The following KDELR3 variants were observed in gnomAD, a reference collection of about 807,000 sequenced individuals.
KDELR3 encodes the protein ER lumen protein-retaining receptor 3.
Under a neutral mutation model 22.7 loss-of-function variants are expected in KDELR3, and 26 were observed. That is an observed-to-expected ratio of 1.15 (90% CI 0.84 to 1.59). The LOEUF is 1.59. Ranked by LOEUF, KDELR3 falls within the 40% of genes most tolerant of loss-of-function variation. The pLI is 0.00. For missense variants in KDELR3, 289 were observed against 251.1 expected (o/e 1.15, Z -1.02); for synonymous variants, 120 against 98.2 (o/e 1.22, Z -1.31).
intron 1 of KDELR3, among the ~76,000 whole-genome samples, chr22:38,472,071 C>A (rs1008785558): frequency 6.6e-6 from 1 of 152,194 alleles, no homozygotes; most frequent in African/African-American, 2.4e-5. Flanking sequence ...CTGAATTAGA[C>A]AGCACAGTAG....
intron 2 of KDELR3, among the ~76,000 whole-genome samples, chr22:38,475,342 G>C (rs1181176837): frequency 6.6e-6 from 1 of 152,084 alleles, no homozygotes; most frequent in African/African-American, 2.4e-5. Context: ...GCTGGGCGTA[G>C]TGGTGCTCAT....
chr22:38,481,305 A>C lies in KDELR3; in HGVS notation c.445A>C (p.Thr149Pro). Residue 149 changes from threonine (T) to proline (P), a missense_variant, in exon 4 of 5, where the codon ACT becomes CCT. Coordinates refer to ENST00000216014, the MANE Select transcript of KDELR3 (RefSeq NM_006855.4). ...SKTGEAETIT[T>P]HYLFFLGLYR... Reference sequence around the variant, plus strand: ...GACTGGAGAGGCTGAGACCATAACTACTCACTACCTGTTCTTTCTGGGTCT... The same window carrying C: ...GACTGGAGAGGCTGAGACCATAACTCCTCACTACCTGTTCTTTCTGGGTCT... 1 of 1,614,080 alleles carries C rather than the reference A, an allele frequency of 6.2e-7. No homozygotes were observed. Among genetic ancestry groups the C allele is most frequent in the Non-Finnish European group, 8.5e-7 (1 of 1,180,020 alleles).
rs752202908 is a variant in KDELR3, at chr22:38,479,758, G to T, written c.351+7G>T. 1 of 1,613,854 alleles carries T rather than the reference G, an allele frequency of 6.2e-7. No individual in the cohort carries two copies. Among genetic ancestry groups the T allele is most frequent in the African/African-American group, 1.3e-5 (1 of 74,914 alleles). ...CAGTTTCACTCTGCTGGAGGTAAGG[G>T]AATGGACTGAGTACCAGTTCTCAAA... On this transcript the variant is annotated splice_region_variant and intron_variant, in intron 3 of 4. Transcript: ENST00000216014.
rs55884876 is a variant in KDELR3, at chr22:38,478,629, A to AT, written c.193-934dup. On this transcript the variant is annotated intron_variant, in intron 2 of 4. Coordinates refer to ENST00000216014, the MANE Select transcript of KDELR3 (RefSeq NM_006855.4). ...GGCAAGGGAAGAGACAGCATCTGTGATTTTTTTTTTTTTTTTTTTTTTTTT... is the reference window on the plus strand; with the variant it reads ...GGCAAGGGAAGAGACAGCATCTGTGATTTTTTTTTTTTTTTTTTTTTTTTTT... 5.1e-3 allele frequency among the ~76,000 whole-genome samples: 222 copies of AT among 43,494 alleles called. 60 individuals are homozygous for AT. The highest frequency in any genetic ancestry group is 5.7e-3 in the East Asian group (7 of 1,220). 28.5% of individuals were successfully genotyped at this position (43,494 alleles called of 152,430 possible).
Position 38,479,590 on chromosome 22 carries a change from T to G in KDELR3, c.193-3T>G. On this transcript the variant is annotated splice_polypyrimidine_tract_variant and splice_region_variant and intron_variant, in intron 2 of 4. Coordinates refer to ENST00000216014, the MANE Select transcript of KDELR3 (RefSeq NM_006855.4). ...CGATTCCCATGTCTCTCTCCCCTTT[T>G]AGGTGGTTTTTCTCCTCTGTGCCTA... 1 of 1,611,562 alleles carries G rather than the reference T, an allele frequency of 6.2e-7. No individual in the cohort carries two copies. The highest frequency in any genetic ancestry group is 1.1e-5 in the South Asian group (1 of 91,050).
In KDELR3 at chr22:38,474,541, A is replaced by G; in HGVS notation, c.110A>G (p.Gln37Arg). 1 of 1,614,006 alleles carries G rather than the reference A, an allele frequency of 6.2e-7. No homozygotes were observed. Among genetic ancestry groups the G allele is most frequent in the Non-Finnish European group, 8.5e-7 (1 of 1,179,966 alleles). ...GCCACAGGCATCTCTGGGAAGAGCC[A>G]GATCCTGTTTGCTCTCGTCTTCACC... The part of the protein sequence containing the change: ...KCCKGISGKS[Q>R]ILFALVFTTR... Residue 37 changes from glutamine (Q) to arginine (R), a missense_variant, in exon 2 of 5, where the codon CAG becomes CGG. Gln to Arg is a conservative substitution (Grantham distance 43). Coordinates refer to ENST00000216014, the MANE Select transcript of KDELR3 (RefSeq NM_006855.4).
chr22:38,478,809 G>GT (rs1161757183), intron 2 of KDELR3, among the ~76,000 whole-genome samples: 7 of 150,892 alleles, frequency 4.6e-5, no homozygotes, highest in South Asian at 4.2e-4. Flanking sequence ...TGCCTGGCTA[G>GT]TTTTTTTATT....
chr22:38,474,074 C>G (rs1227020780), intron 1 of KDELR3, among the ~76,000 whole-genome samples: 1 of 152,204 alleles, frequency 6.6e-6, no homozygotes, highest in African/African-American at 2.4e-5. Flanking sequence ...TCTGCCTGCT[C>G]TGGTCTCCCT....
chr22:38,471,526 A>C (rs868529742), intron 1 of KDELR3, among the ~76,000 whole-genome samples: 1 of 152,150 alleles, frequency 6.6e-6, no homozygotes, highest in Non-Finnish European at 1.5e-5. Context: ...CTCACTGAGC[A>C]CTGTGTATTC....
intron 2 of KDELR3, among the ~76,000 whole-genome samples, chr22:38,478,442 G>C: frequency 6.7e-6 from 1 of 149,648 alleles, no homozygotes; most frequent in East Asian, 2.0e-4. Flanking sequence ...GGCTGAGGCA[G>C]GAGAATCACT....
chr22:38,479,669 A>T lies in KDELR3; in HGVS notation c.269A>T (p.Asn90Ile). 1 of 1,614,110 alleles carries T rather than the reference A, an allele frequency of 6.2e-7. No homozygotes were observed. The highest frequency in any genetic ancestry group is 8.5e-7 in the Non-Finnish European group (1 of 1,179,958). ...GKFRKTFDSE[N>I]DTFRLEFLLV... ...TTCCGTAAAACTTTTGACAGTGAGA[A>T]TGACACATTCCGCCTGGAGTTTCTT... The change falls in exon 3 of 5, where the codon AAT becomes ATT. Residue 90 changes from asparagine to isoleucine, a missense_variant. Transcript: ENST00000216014.
At chr22:38,474,450 C>CTG (rs2089544578) in intron 1 of KDELR3, 73 bp from the exon 2 acceptor site, 1 of 1,205,824 alleles carries the variant, frequency 8.3e-7, no homozygotes, top group Non-Finnish European at 1.2e-6. Context: ...CAGCTCCAGG[C>CTG]TGTGCACCTC....
chr22:38,470,647 G>A (rs148932689), intron 1 of KDELR3, among the ~76,000 whole-genome samples: 114 of 152,184 alleles, frequency 7.5e-4, no homozygotes, highest in African/African-American at 2.5e-3. Flanking sequence ...CCCTTGACTC[G>A]CTGTGTGACC....
chr22:38,476,589 A>G (rs969952528), intron 2 of KDELR3, among the ~76,000 whole-genome samples: 1 of 151,816 alleles, frequency 6.6e-6, no homozygotes, highest in Non-Finnish European at 1.5e-5. Flanking sequence ...CAGTGGTGCA[A>G]TCTCGGCTCA....
At chr22:38,481,060 T>TA (rs2089596032) in intron 3 of KDELR3, 152 bp from the exon 4 acceptor site, 1 of 722,522 alleles carries the variant, frequency 1.4e-6, no homozygotes, top group Non-Finnish European at 2.3e-6. Context: ...GATGGTAGGT[T>TA]AAACTGATTA....
At chr22:38,481,636 C>A (rs2089602422) in intron 4 of KDELR3, 172 bp downstream of exon 4, 14 of 1,463,510 alleles carry the variant, frequency 9.6e-6, no homozygotes, top group Non-Finnish European at 1.8e-6. Flanking sequence ...GCCATAAAAA[C>A]ATGCAGGCCA....
At chr22:38,471,470 C>T (rs1158685252) in intron 1 of KDELR3, among the ~76,000 whole-genome samples, 1 of 152,232 alleles carries the variant, frequency 6.6e-6, no homozygotes, top group Admixed American at 6.5e-5. Context: ...CTCACCCCGG[C>T]TAGTGCACGT....
intron 2 of KDELR3, among the ~76,000 whole-genome samples, chr22:38,475,196 C>T (rs2089550173): frequency 6.7e-6 from 1 of 149,154 alleles, no homozygotes; most frequent in African/African-American, 2.5e-5. Flanking sequence ...ATATATTAAA[C>T]ATTCAATAAA....
At chr22:38,476,949 G>A (rs1050001271) in intron 2 of KDELR3, among the ~76,000 whole-genome samples, 6 of 150,226 alleles carry the variant, frequency 4.0e-5, no homozygotes, top group African/African-American at 4.9e-5. Flanking sequence ...TAGCTCTGTC[G>A]CCCAGGGTGG....
Sources: allele counts gnomAD v4.1 joint callset (sites outside exome capture counted in the v4.1 genomes callset), GRCh38; gene constraint gnomAD v4.1.1; transcripts MANE v1.5; gene names NCBI Gene and HGNC (gene_info 2026-07-23, HGNC 2026-07-21).